RFX4: variants seen among roughly 807,000 people sequenced by gnomAD.
The protein encoded by RFX4 is transcription factor RFX4.
A neutral mutation model predicts 95.0 loss-of-function variants in RFX4; 10 were observed. That is an observed-to-expected ratio of 0.11 (90% CI 0.06 to 0.18). RFX4 has a LOEUF of 0.18. RFX4 is among the 10% of genes least tolerant of loss of function. The pLI is 1.00. For synonymous variants in RFX4, 321 were observed against 340.7 expected (o/e 0.94, Z 0.64); for missense variants, 640 against 922.0 (o/e 0.69, Z 3.96).
intron 1 of RFX4, among the ~76,000 whole-genome samples, chr12:106,592,643 C>A (rs1169023252): frequency 2.1e-5 from 3 of 143,334 alleles, no homozygotes; most frequent in African/African-American, 7.7e-5. Context: ...AACCACCCAA[C>A]CCTCTTATGT....
intron 4 of RFX4, among the ~76,000 whole-genome samples, chr12:106,668,678 C>T (rs1306798758): frequency 6.7e-6 from 1 of 149,894 alleles, no homozygotes; most frequent in Non-Finnish European, 1.5e-5. Flanking sequence ...AGGCAACTAG[C>T]CATTTTATCC....
At chr12:106,636,226 T>C (rs930445246) in intron 2 of RFX4, among the ~76,000 whole-genome samples, 1 of 151,620 alleles carries the variant, frequency 6.6e-6, no homozygotes, top group Non-Finnish European at 1.5e-5. Context: ...ATGGGGTTTC[T>C]AAAAATACAA....
At position 106,734,308 on chromosome 12, in the gene RFX4, G is replaced by A. The variant is rs1403133432; in HGVS notation, c.1633+1223G>A. Among the ~76,000 whole-genome samples the A allele has an allele frequency of 2.0e-5, 3 of 152,106 alleles. No homozygotes were observed. The South Asian group carries it at 6.2e-4, about 32-fold the overall frequency. ...GCCATTGAACTGTACACTTGAAAAT[G>A]GTTTATACTGGGCGTGGTGGCTCAT... is the stretch of plus-strand genomic sequence containing the variant. On this transcript the variant is annotated intron_variant, in intron 15 of 17. Transcript: ENST00000392842.
chr12:106,686,374 T>C (rs2041646926), intron 5 of RFX4, among the ~76,000 whole-genome samples: 1 of 144,004 alleles, frequency 6.9e-6, no homozygotes. Context: ...ATTGCACCAC[T>C]GCACTCCAGC....
intron 11 of RFX4, among the ~76,000 whole-genome samples, chr12:106,719,693 AG>A (rs2042360597): frequency 6.6e-6 from 1 of 152,154 alleles, no homozygotes; most frequent in South Asian, 2.1e-4. Context: ...AAAAAGACTA[AG>A]GCTATGAAAA....
intron 1 of RFX4, among the ~76,000 whole-genome samples, chr12:106,589,348 A>G (rs2039506431): frequency 1.3e-5 from 2 of 152,162 alleles, no homozygotes; most frequent in Admixed American, 1.3e-4. Flanking sequence ...TTCAGAATGC[A>G]TTTACTAAGA....
chr12:106,621,251 T>C (rs1224111278), intron 2 of RFX4, among the ~76,000 whole-genome samples: 2 of 152,192 alleles, frequency 1.3e-5, no homozygotes, highest in Non-Finnish European at 2.9e-5. Context: ...ATCTTCACAA[T>C]TTATGTTCCT....
At chr12:106,748,649 A>G (rs1012245737) in intron 16 of RFX4, among the ~76,000 whole-genome samples, 3 of 152,198 alleles carry the variant, frequency 2.0e-5, no homozygotes, top group Non-Finnish European at 2.9e-5. Context: ...AGCACTTATG[A>G]TATTAACAAG....
intron 17 of RFX4, among the ~76,000 whole-genome samples, chr12:106,751,506 C>A (rs1356606631): frequency 6.6e-6 from 1 of 151,012 alleles, no homozygotes; most frequent in Non-Finnish European, 1.5e-5. Context: ...CCTGAGGAAT[C>A]GCCACACTGA....
At chr12:106,631,471 CT>C (rs1279390832) in intron 2 of RFX4, among the ~76,000 whole-genome samples, 1 of 152,196 alleles carries the variant, frequency 6.6e-6, no homozygotes, top group Non-Finnish European at 1.5e-5. Flanking sequence ...CTCTAACCCC[CT>C]ATGTGATGGT....
intron 5 of RFX4, chr12:106,683,478 A>AC (rs1565977683): frequency 4.1e-5 from 6 of 147,982 alleles, no homozygotes; most frequent in African/African-American, 1.5e-4. Context: ...AAAAAAAAAA[A>AC]AAAAAAAAAA....
At chr12:106,681,820 C>T (rs1350331955) in intron 4 of RFX4, among the ~76,000 whole-genome samples, 173 bp from the exon 5 acceptor site, 3 of 152,146 alleles carry the variant, frequency 2.0e-5, no homozygotes, top group Non-Finnish European at 4.4e-5. Flanking sequence ...ACCATCCAAG[C>T]ACTCCCCACT....
At chr12:106,618,423 T>G (rs1450056281) in intron 2 of RFX4, among the ~76,000 whole-genome samples, 1 of 152,138 alleles carries the variant, frequency 6.6e-6, no homozygotes. Flanking sequence ...ACTTTATATA[T>G]TTTGAAGTAT....
chr12:106,715,339 A>T, intron 10 of RFX4, 61 bp from the exon 11 acceptor site: 2 of 1,565,856 alleles, frequency 1.3e-6, no homozygotes, highest in Non-Finnish European at 8.7e-7. Flanking sequence ...GCATAAAAGG[A>T]AATACAGTGA....
chr12:106,703,470 G>A (rs771239067), intron 8 of RFX4, among the ~76,000 whole-genome samples: 35 of 152,210 alleles, frequency 2.3e-4, no homozygotes, highest in Admixed American at 7.2e-4. Flanking sequence ...TATTATATAC[G>A]TAGGAGCCAT....
intron 1 of RFX4, among the ~76,000 whole-genome samples, chr12:106,587,157 C>T (rs762932312): frequency 6.6e-6 from 1 of 152,202 alleles, no homozygotes; most frequent in Non-Finnish European, 1.5e-5. Flanking sequence ...CTCGGAGTCC[C>T]GGATTCAGCA....
At chr12:106,728,096 A>G (rs1333562005) in intron 13 of RFX4, among the ~76,000 whole-genome samples, 2 of 152,108 alleles carry the variant, frequency 1.3e-5, no homozygotes, top group Non-Finnish European at 1.5e-5. Flanking sequence ...AATTCTCTAT[A>G]TTTTTCTATG....
chr12:106,689,409 C>G lies in RFX4; in HGVS notation c.669+45C>G, dbSNP rs755163117. On this transcript the variant is annotated intron_variant, in intron 7 of 17. Transcript: ENST00000392842. ...GCTGTGAATACTCGGTATTAAAAATCTTGTAACACTAGCTCCTATTTCATG... is the reference window on the plus strand; with the variant it reads ...GCTGTGAATACTCGGTATTAAAAATGTTGTAACACTAGCTCCTATTTCATG... 2.3e-5 allele frequency: 34 copies of G among 1,459,140 alleles called. No individual in the cohort carries two copies. The Middle Eastern group carries it at 5.2e-4, about 22-fold the overall frequency. 90.4% of individuals were successfully genotyped at this position (1,459,140 alleles called of 1,614,324 possible).
intron 4 of RFX4, among the ~76,000 whole-genome samples, chr12:106,677,766 A>T (rs2041422752): frequency 6.6e-6 from 1 of 152,132 alleles, no homozygotes; most frequent in Non-Finnish European, 1.5e-5. Flanking sequence ...CAGGGAAACC[A>T]GTTAGAAGAA....
Sources: gnomAD v4.1 joint callset for allele counts (sites outside exome capture counted in the v4.1 genomes callset) on GRCh38, gnomAD v4.1.1 for gene constraint, MANE v1.5 for transcripts, NCBI Gene and HGNC (gene_info 2026-07-23, HGNC 2026-07-21) for gene names.